The following HMGA2 variants were observed in gnomAD, a reference collection of about 807,000 sequenced individuals.
HMGA2 encodes the protein high mobility group AT-hook 2.
In HMGA2, 8 loss-of-function variants were observed where a neutral mutation model predicts 19.1. The ratio of observed to expected loss-of-function variants is 0.42; its 90% confidence interval spans 0.25 to 0.76. The LOEUF (loss-of-function observed/expected upper bound fraction) is 0.76. Among genes scored for constraint, HMGA2 ranks in the 30% least tolerant of loss-of-function variants. HMGA2 has a pLI of 0.28. For missense variants in HMGA2, 109 were observed against 136.3 expected (o/e 0.80, Z 1.00); for synonymous variants, 60 against 48.8 (o/e 1.23, Z -0.96).
chr12:65,849,934 G>C (rs1004709846), intron 3 of HMGA2, among the ~76,000 whole-genome samples: 1 of 151,950 alleles, frequency 6.6e-6, no homozygotes, highest in Non-Finnish European at 1.5e-5. Context: ...GGCCAGGCTG[G>C]TCTCAAACTC....
At chr12:65,934,722 CTG>C (rs1245732478) in intron 3 of HMGA2, 1 of 152,202 alleles carries the variant, frequency 6.6e-6, no homozygotes, top group Admixed American at 6.5e-5. Flanking sequence ...GGTTGAGGAA[CTG>C]TGAATGAAAT....
chr12:65,848,626 G>A (rs1235484542), intron 3 of HMGA2, among the ~76,000 whole-genome samples: 1 of 152,166 alleles, frequency 6.6e-6, no homozygotes, highest in Non-Finnish European at 1.5e-5. Context: ...GGAGGCCGAG[G>A]CGGGTGGATC....
At chr12:65,950,075 C>A (rs1860187549) in intron 3 of HMGA2, among the ~76,000 whole-genome samples, 1 of 152,136 alleles carries the variant, frequency 6.6e-6, no homozygotes, top group African/African-American at 2.4e-5. Flanking sequence ...GTATACGGAG[C>A]AATTGGAACT....
intron 3 of HMGA2, among the ~76,000 whole-genome samples, chr12:65,944,635 A>C (rs1876198734): frequency 7.0e-6 from 1 of 142,776 alleles, no homozygotes; most frequent in Non-Finnish European, 1.5e-5. Flanking sequence ...CAGCCTAATG[A>C]CAAGTCACAA....
At chr12:65,945,700 T>G (rs1424270306) in intron 3 of HMGA2, among the ~76,000 whole-genome samples, 1 of 152,208 alleles carries the variant, frequency 6.6e-6, no homozygotes, top group African/African-American at 2.4e-5. Flanking sequence ...TTGGAGTGTT[T>G]GCAGAGAGAT....
chr12:65,874,826 T>A (rs1872896763), intron 3 of HMGA2, among the ~76,000 whole-genome samples: 1 of 152,256 alleles, frequency 6.6e-6, no homozygotes, highest in African/African-American at 2.4e-5. Flanking sequence ...AATGGGCTCA[T>A]CTCTCCCTTT....
intron 3 of HMGA2, among the ~76,000 whole-genome samples, chr12:65,873,039 A>C (rs1182886290): frequency 6.6e-6 from 1 of 152,118 alleles, no homozygotes; most frequent in Non-Finnish European, 1.5e-5. Flanking sequence ...CACATCTCCC[A>C]AGACCCAGTT....
chr12:65,953,153 T>G (rs1592466168), intron 4 of HMGA2: 1 of 152,234 alleles, frequency 6.6e-6, no homozygotes, highest in African/African-American at 2.4e-5. Flanking sequence ...CTTCAGCGAT[T>G]CTGTTTATTT....
At chr12:65,961,250 G>A (rs1352066060) in intron 4 of HMGA2, among the ~76,000 whole-genome samples, 1 of 152,196 alleles carries the variant, frequency 6.6e-6, no homozygotes, top group Non-Finnish European at 1.5e-5. Flanking sequence ...AACGAGGTGT[G>A]TATCTGCCTA....
intron 3 of HMGA2, among the ~76,000 whole-genome samples, chr12:65,900,048 A>G (rs960657221): frequency 1.3e-5 from 2 of 152,250 alleles, no homozygotes; most frequent in Non-Finnish European, 2.9e-5. Context: ...GTAATATTTT[A>G]ATACTTATAA....
Position 65,860,838 on chromosome 12 carries a change from A to G in HMGA2, c.249+22269A>G, listed in dbSNP as rs528627590. Among the ~76,000 whole-genome samples, 17 of 152,326 alleles carry G rather than the reference A, an allele frequency of 1.1e-4. No individual in the cohort carries two copies. In the South Asian group the frequency reaches 2.9e-3, roughly 26 times the overall value. ...GTGACATTAGCACTGCTACTGTTCA[A>G]TGAGATTACAAAATAGAAAGTAGAC... On this transcript the variant is annotated intron_variant, in intron 3 of 4. Transcript: ENST00000403681.
In HMGA2 at chr12:65,846,809, G is replaced by A. The variant is rs148280218; in HGVS notation, c.249+8240G>A. Among the ~76,000 whole-genome samples the A allele has an allele frequency of 3.8e-3, 574 of 152,282 alleles. 6 individuals carry two copies. Among genetic ancestry groups the A allele is most frequent in the African/African-American group, 0.013 (537 of 41,554 alleles). On this transcript the variant is annotated intron_variant, in intron 3 of 4. Transcript: ENST00000403681. The stretch of plus-strand genomic sequence containing the variant: ...CTGTGCTGGGTCCTAGGGATGTCAA[G>A]GCTGACAAGATAGGTGGGGCTGCCT...
chr12:65,865,933 C>T lies in HMGA2; in HGVS notation c.249+27364C>T, dbSNP rs545454471. On this transcript the variant is annotated intron_variant, in intron 3 of 4. Transcript: ENST00000403681. The stretch of plus-strand genomic sequence containing the variant: ...CTGGGATTACAGGCATGAGCCACCA[C>T]GCCTAGCCATCCCCATCTATTTTTC... Among the ~76,000 whole-genome samples the T allele has an allele frequency of 2.9e-3, 445 of 152,060 alleles. 4 individuals are homozygous for T. Among genetic ancestry groups the T allele is most frequent in the African/African-American group, 9.7e-3 (404 of 41,482 alleles).
At chr12:65,926,522 A>G (rs1875511000) in intron 3 of HMGA2, among the ~76,000 whole-genome samples, 1 of 152,258 alleles carries the variant, frequency 6.6e-6, no homozygotes, top group Non-Finnish European at 1.5e-5. Context: ...CTCTAACTGC[A>G]AGAGTGTGAA....
intron 3 of HMGA2, among the ~76,000 whole-genome samples, chr12:65,907,966 C>G (rs1014266934): frequency 6.6e-6 from 1 of 152,082 alleles, no homozygotes; most frequent in African/African-American, 2.4e-5. Context: ...TAGCTTGACT[C>G]TCTTTTTACA....
intron 3 of HMGA2, among the ~76,000 whole-genome samples, chr12:65,862,213 G>A (rs1207417382): frequency 6.6e-6 from 1 of 151,402 alleles, no homozygotes; most frequent in African/African-American, 2.4e-5. Context: ...GTTAACAAAA[G>A]AATAAGCATT....
chr12:65,874,855 C>T (rs887075016), intron 3 of HMGA2, among the ~76,000 whole-genome samples: 2 of 152,178 alleles, frequency 1.3e-5, no homozygotes, highest in Admixed American at 6.5e-5. Flanking sequence ...GGTGCTCCAT[C>T]TCAGAAAAAG....
chr12:65,890,767 C>T (rs1382556342), intron 3 of HMGA2, among the ~76,000 whole-genome samples: 2 of 151,608 alleles, frequency 1.3e-5, no homozygotes, highest in African/African-American at 4.9e-5. Flanking sequence ...CTCTGTCACC[C>T]AGGCTGAAGT....
chr12:65,840,319 C>T (rs927099443), intron 3 of HMGA2, among the ~76,000 whole-genome samples: 16 of 152,172 alleles, frequency 1.1e-4, no homozygotes, highest in Non-Finnish European at 1.3e-4. Context: ...GTCTCTGCTC[C>T]ATGATGTCTG....
Sources: allele counts gnomAD v4.1 joint callset (sites outside exome capture counted in the v4.1 genomes callset), GRCh38; gene constraint gnomAD v4.1.1; transcripts MANE v1.5; gene names NCBI Gene and HGNC (gene_info 2026-07-23, HGNC 2026-07-21).